The following RPGR variants were observed in gnomAD, a reference collection of about 807,000 sequenced individuals.
The protein encoded by RPGR is retinitis pigmentosa GTPase regulator, also known as X-linked retinitis pigmentosa GTPase regulator.
RPGR carries 10 observed loss-of-function variants against 56.3 expected under a neutral mutation model. The ratio of observed to expected loss-of-function variants is 0.18; its 90% CI spans 0.11 to 0.30. The LOEUF (loss-of-function observed/expected upper bound fraction) is 0.30, where lower values mean the gene tolerates loss of function less well. Among genes scored for constraint, RPGR ranks in the 10% least tolerant of loss-of-function variants. RPGR has a pLI of 1.00. For synonymous variants in RPGR, 197 were observed against 212.9 expected (o/e 0.93, Z 0.65); for missense variants, 538 against 590.9 (o/e 0.91, Z 0.93).
intron 9 of RPGR, among the ~76,000 whole-genome samples, chrX:38,300,215 G>C (rs1372526509): frequency 8.9e-6 from 1 of 111,805 alleles, no homozygotes; most frequent in East Asian, 2.8e-4. Flanking sequence ...CTCCCAAAGT[G>C]CTAGGATTAC....
At chrX:38,326,232 T>A (rs774745717) in intron 1 of RPGR, among the ~76,000 whole-genome samples, 29 of 112,205 alleles carry the variant, frequency 2.6e-4, no homozygotes, top group Non-Finnish European at 4.5e-4. Context: ...TCAATTTATA[T>A]GGTCATTTTG....
intron 1 of RPGR, chrX:38,325,874 C>A (rs1460800563): frequency 1.8e-5 from 2 of 112,296 alleles, no homozygotes; most frequent in African/African-American, 3.2e-5. Context: ...CACACACATA[C>A]ACCAAATAGT....
chrX:38,298,902 G>A, intron 10 of RPGR, 54 bp downstream of exon 10: 2 of 1,139,718 alleles, frequency 1.8e-6, no homozygotes, highest in Non-Finnish European at 2.4e-6. Flanking sequence ...TTTTCTTCTA[G>A]TTTTCTTTGC....
In RPGR at chrX:38,298,968, C is replaced by A; in HGVS notation, c.1233G>T (p.Arg411=). 1 of 1,211,625 alleles carries A rather than the reference C, an allele frequency of 8.3e-7. No homozygotes were observed. The highest frequency in any genetic ancestry group is 1.1e-6 in the Non-Finnish European group (1 of 895,399). Residue 411 remains arginine (R), a synonymous_variant, in exon 10 of 19, where the codon CGG becomes CGT. Coordinates refer to ENST00000642395, the MANE Select transcript of RPGR (RefSeq NM_000328.3). Reference sequence around the variant, plus strand: ...GCCACAATTGTACCCTCTCTCTTCGCCGCATACGTGCTGATAGAGTCCTCT... The same window carrying A: ...GCCACAATTGTACCCTCTCTCTTCGACGCATACGTGCTGATAGAGTCCTCT...
At chrX:38,312,339 G>C (rs1352593329) in intron 6 of RPGR, among the ~76,000 whole-genome samples, 1 of 111,248 alleles carries the variant, frequency 9.0e-6, no homozygotes, top group Non-Finnish European at 1.9e-5. Flanking sequence ...TCTGTCTATA[G>C]ATTCCTGATT....
At chrX:38,277,511 CTGAT>C (rs978077452) in intron 15 of RPGR, among the ~76,000 whole-genome samples, 5 of 109,930 alleles carry the variant, frequency 4.5e-5, no homozygotes, top group African/African-American at 1.7e-4. Flanking sequence ...GTGAAATACT[CTGAT>C]TGTCATTAAG....
intron 12 of RPGR, 27 bp from the exon 13 acceptor site, chrX:38,291,051 T>A: frequency 1.6e-6 from 1 of 611,153 alleles, no homozygotes; most frequent in Middle Eastern, 5.7e-4. Flanking sequence ...ATATATATTA[T>A]AAAAAGAATA....
Position 38,299,013 on chromosome X carries a change from T to C in RPGR, c.1188A>G (p.Leu396=). ...TCCTCTGCAGTACATTTCCTGAGGTTAAACTGCTATACGGCAGAAAAGTCG... is the reference window on the plus strand; with the variant it reads ...TCCTCTGCAGTACATTTCCTGAGGTCAAACTGCTATACGGCAGAAAAGTCG... Residue 396 remains leucine (L), a synonymous_variant, in exon 10 of 19, where the codon TTA becomes TTG. Coordinates refer to ENST00000642395, the MANE Select transcript of RPGR (RefSeq NM_000328.3). The C allele has an allele frequency of 8.3e-7, 1 of 1,211,867 alleles. No homozygotes were observed. Among genetic ancestry groups the C allele is most frequent in the Non-Finnish European group, 1.1e-6 (1 of 895,516 alleles).
At position 38,321,023 on chromosome X, in the gene RPGR, A is replaced by G. The variant is rs1391861449; in HGVS notation, c.310+4T>C. 2 of 1,191,447 alleles carry G rather than the reference A, an allele frequency of 1.7e-6. No homozygotes were observed. Among genetic ancestry groups the G allele is most frequent in the African/African-American group, 3.5e-5 (2 of 57,117 alleles). On this transcript the variant is annotated splice_donor_region_variant and intron_variant, in intron 4 of 18. Coordinates refer to ENST00000642395, the MANE Select transcript of RPGR (RefSeq NM_000328.3). ...CAGGAAATCATACAGGTTGAGCACT[A>G]TACCTGTTGACACCAGGGTGTGGTT...
intron 11 of RPGR, among the ~76,000 whole-genome samples, chrX:38,296,517 C>G (rs1053860347): frequency 6.3e-5 from 7 of 110,936 alleles, no homozygotes; most frequent in African/African-American, 2.3e-4. Flanking sequence ...AGTGAAAGAG[C>G]TGGGATTACA....
chrX:38,292,470 C>T (rs17144080), intron 11 of RPGR, among the ~76,000 whole-genome samples: 1 of 111,234 alleles, frequency 9.0e-6, no homozygotes, highest in Non-Finnish European at 1.9e-5. Context: ...TACATTTGGA[C>T]GTAGCTCCTT....
In RPGR at chrX:38,273,731, A is replaced by T. The variant is rs1173948719; in HGVS notation, c.2150-254T>A. 2.0e-5 allele frequency: 5 copies of T among 253,661 alleles called. No individual in the cohort carries two copies. The East Asian group carries it at 3.1e-4, about 16-fold the overall frequency. The allele number at this position is 253,661 out of a possible 1,213,427, so 20.9% of individuals were successfully genotyped here. Reference sequence around the variant, plus strand: ...AATATAGCTACAAAGGTAATAGTCAATGTTAGAGAAGACTTCTGTAAAATA... The same window carrying T: ...AATATAGCTACAAAGGTAATAGTCATTGTTAGAGAAGACTTCTGTAAAATA... On this transcript the variant is annotated intron_variant, in intron 17 of 18. Transcript: ENST00000642395.
intron 7 of RPGR, among the ~76,000 whole-genome samples, chrX:38,307,303 T>G (rs1359110341): frequency 1.8e-5 from 2 of 112,135 alleles, no homozygotes; most frequent in African/African-American, 6.5e-5. Context: ...ATGGTTTCCC[T>G]GATCCCAAGG....
intron 15 of RPGR, chrX:38,286,949 C>T: frequency 1.7e-6 from 2 of 1,209,112 alleles, no homozygotes; most frequent in Non-Finnish European, 1.1e-6. Context: ...TCCATTTCTC[C>T]TCTACCCTTG....
chrX:38,275,078 T>C (rs755836255), intron 17 of RPGR: 6 of 1,197,203 alleles, frequency 5.0e-6, no homozygotes, highest in Non-Finnish European at 6.8e-6. Flanking sequence ...TGTTATCAAA[T>C]GTGCTCATAC....
intron 15 of RPGR, chrX:38,286,211 C>T: frequency 1.2e-6 from 1 of 855,544 alleles, no homozygotes; most frequent in Non-Finnish European, 1.5e-6. Context: ...TCCCCCTCCC[C>T]TTCTCCTTCC....
chrX:38,315,838 TAGAG>T (rs34373117), intron 6 of RPGR, among the ~76,000 whole-genome samples: 101 of 90,817 alleles, frequency 1.1e-3, no homozygotes, highest in African/African-American at 3.9e-3. Flanking sequence ...TATATATATA[TAGAG>T]AGAGAGAGAG....
intron 8 of RPGR, chrX:38,303,689 A>T (rs1601950393): frequency 3.4e-6 from 1 of 295,818 alleles, no homozygotes; most frequent in African/African-American, 2.7e-5. Flanking sequence ...TGGGCAGGTC[A>T]TCTTCTCTGA....
At chrX:38,304,361 G>A (rs745871703) in intron 8 of RPGR, among the ~76,000 whole-genome samples, 16 of 111,989 alleles carry the variant, frequency 1.4e-4, no homozygotes, top group Non-Finnish European at 2.8e-4. Context: ...AAAGATTCCT[G>A]TTTTCTGACA....
Sources: gnomAD v4.1 joint callset for allele counts (sites outside exome capture counted in the v4.1 genomes callset) on GRCh38, gnomAD v4.1.1 for gene constraint, MANE v1.5 for transcripts, NCBI Gene and HGNC (gene_info 2026-07-23, HGNC 2026-07-21) for gene names.